HKDC1: variants seen among roughly 807,000 people sequenced by gnomAD.
HKDC1 encodes the protein hexokinase HKDC1.
HKDC1 carries 66 observed loss-of-function variants against 96.6 expected under a neutral mutation model. The ratio of observed to expected loss-of-function variants is 0.68; its 90% CI spans 0.56 to 0.84. The LOEUF is 0.84. Ranked by LOEUF, HKDC1 falls within the 40% of genes least tolerant of loss-of-function variation. The pLI, the probability that HKDC1 is intolerant of heterozygous loss-of-function variation, is 0.00. For missense variants in HKDC1, 1,211 were observed against 1,208.1 expected (o/e 1.00, Z -0.04); for synonymous variants, 466 against 473.1 (o/e 0.98, Z 0.20).
chr10:69,228,931 G>GC (rs1843204872), intron 2 of HKDC1, among the ~76,000 whole-genome samples: 1 of 151,146 alleles, frequency 6.6e-6, no homozygotes, highest in Non-Finnish European at 1.5e-5. Context: ...AGAAAGGAAA[G>GC]AAAGAAGAAA....
chr10:69,232,723 T>C, intron 2 of HKDC1, 41 bp from the exon 3 acceptor site: 2 of 1,590,086 alleles, frequency 1.3e-6, no homozygotes, highest in Non-Finnish European at 1.7e-6. Context: ...ATATCTGTAG[T>C]AGACCCTCAA....
chr10:69,241,122 C>T (rs1371691922), intron 6 of HKDC1, among the ~76,000 whole-genome samples: 2 of 152,118 alleles, frequency 1.3e-5, no homozygotes, highest in Non-Finnish European at 2.9e-5. Flanking sequence ...TGGGATGAGG[C>T]GTCAGGGAAG....
chr10:69,266,556 A>T (rs1368471413), intron 17 of HKDC1, 54 bp from the exon 18 acceptor site: 3 of 1,574,632 alleles, frequency 1.9e-6, no homozygotes, highest in Non-Finnish European at 1.7e-6. Flanking sequence ...ATCATTTATA[A>T]ATGTTCTGAT....
chr10:69,242,361 A>G (rs1254029394), intron 6 of HKDC1, among the ~76,000 whole-genome samples: 2 of 125,714 alleles, frequency 1.6e-5, no homozygotes, highest in Non-Finnish European at 3.2e-5. Flanking sequence ...GCTTTTCTAC[A>G]TTTCTCATTT....
chr10:69,249,060 T>G, intron 10 of HKDC1: 1 of 203,844 alleles, frequency 4.9e-6, no homozygotes, highest in Non-Finnish European at 9.9e-6. Context: ...ATGCCTGAGA[T>G]TGCCTGGGCT....
intron 15 of HKDC1, among the ~76,000 whole-genome samples, chr10:69,260,708 C>T (rs1187947398): frequency 6.6e-6 from 1 of 152,166 alleles, no homozygotes; most frequent in Non-Finnish European, 1.5e-5. Context: ...CCCCTTTTCT[C>T]TCTTGCTCTC....
chr10:69,242,437 A>AAC (rs1554867740), intron 6 of HKDC1, among the ~76,000 whole-genome samples: 7 of 148,792 alleles, frequency 4.7e-5, no homozygotes, highest in African/African-American at 1.0e-4. Context: ...AAGAAAAAAA[A>AAC]AAAAAAAAAA....
chr10:69,220,522 G>A (rs1006319649), intron 1 of HKDC1, 24 bp downstream of exon 1: 4 of 1,530,342 alleles, frequency 2.6e-6, no homozygotes, highest in Non-Finnish European at 2.7e-6. Flanking sequence ...ACGAAGCTGA[G>A]AGATGCCCAG....
At chr10:69,246,619 C>A (rs1589411144) in intron 8 of HKDC1, among the ~76,000 whole-genome samples, 1 of 152,218 alleles carries the variant, frequency 6.6e-6, no homozygotes, top group Non-Finnish European at 1.5e-5. Context: ...TCCTTGGACA[C>A]TAAGCTCATT....
In HKDC1 at chr10:69,227,342, T is replaced by A; in HGVS notation, c.199T>A (p.Phe67Ile). The change falls in exon 2 of 18, where the codon TTC becomes ATC. Residue 67 changes from phenylalanine (F) to isoleucine (I), a missense_variant. Coordinates refer to ENST00000354624, the MANE Select transcript of HKDC1 (RefSeq NM_025130.4). ...PTAAVKMLPTFVRAIPDGSEN... is the reference protein window; with the variant it reads ...PTAAVKMLPTIVRAIPDGSEN... ...GGCTGCAGTGAAGATGTTGCCCACC[T>A]TCGTCAGGGCCATTCCCGATGGTTC... 1 of 1,614,184 alleles carries A rather than the reference T, an allele frequency of 6.2e-7. No individual in the cohort carries two copies. Among genetic ancestry groups the A allele is most frequent in the South Asian group, 1.1e-5 (1 of 91,080 alleles).
intron 7 of HKDC1, among the ~76,000 whole-genome samples, chr10:69,245,582 TAA>T (rs1843527810): frequency 6.8e-6 from 1 of 148,024 alleles, no homozygotes; most frequent in Non-Finnish European, 1.5e-5. Context: ...ATAATAATAA[TAA>T]TAATAATAAT....
intron 12 of HKDC1, among the ~76,000 whole-genome samples, chr10:69,255,241 G>A (rs925024): frequency 0.93 from 142,288 of 152,326 alleles, 67,193 homozygotes; most frequent in Non-Finnish European, 1. Context: ...AAAGAGAGAC[G>A]TCAAAAAATA....
chr10:69,252,734 G>A (rs887679910), intron 12 of HKDC1, among the ~76,000 whole-genome samples: 1 of 151,538 alleles, frequency 6.6e-6, no homozygotes, highest in Non-Finnish European at 1.5e-5. Context: ...AGGATCACTT[G>A]AGCCCAGGAG....
intron 4 of HKDC1, among the ~76,000 whole-genome samples, chr10:69,234,131 A>C (rs894769026): frequency 2.6e-5 from 4 of 152,256 alleles, no homozygotes; most frequent in South Asian, 2.1e-4. Flanking sequence ...GTTACTGTCA[A>C]GAGTCTAGTC....
At chr10:69,220,573 A>G in intron 1 of HKDC1, 75 bp downstream of exon 1, 1 of 1,075,348 alleles carries the variant, frequency 9.3e-7, no homozygotes, top group Non-Finnish European at 1.3e-6. Flanking sequence ...TAAAAAAAAA[A>G]TCAGAAGGGA....
At chr10:69,234,992 G>C (rs753437359) in intron 4 of HKDC1, among the ~76,000 whole-genome samples, 2 of 152,186 alleles carry the variant, frequency 1.3e-5, no homozygotes, top group African/African-American at 2.4e-5. Flanking sequence ...GCCTGGCGTG[G>C]TGGCTTTTGC....
intron 4 of HKDC1, among the ~76,000 whole-genome samples, chr10:69,235,536 A>G (rs1426811077): frequency 6.6e-6 from 1 of 152,130 alleles, no homozygotes; most frequent in Non-Finnish European, 1.5e-5. Flanking sequence ...AGGTCCTAGG[A>G]GTGAGTAGAT....
intron 12 of HKDC1, among the ~76,000 whole-genome samples, chr10:69,252,548 G>A (rs1247840729): frequency 6.6e-6 from 1 of 151,950 alleles, no homozygotes; most frequent in Non-Finnish European, 1.5e-5. Context: ...GGGAGGCTGA[G>A]GCAGGAGAAT....
rs560169262 is a variant in HKDC1, at chr10:69,250,313, G to A, written c.1594G>A (p.Asp532Asn). ...GTEKGKFLAL[D>N]LGGTNFRVLL... ...AGAGAAAGGAAAGTTTCTCGCCCTG[G>A]ATCTTGGGGGAACCAACTTCCGGGT... The change falls in exon 11 of 18, where the codon GAT (aspartate) becomes AAT (asparagine). Residue 532 changes from aspartate (D) to asparagine (N), a missense_variant. By Grantham distance (23) the Asp-to-Asn change is conservative. Coordinates refer to ENST00000354624, the MANE Select transcript of HKDC1 (RefSeq NM_025130.4). The A allele has an allele frequency of 1.2e-5, 19 of 1,614,024 alleles. No homozygotes were observed. In the South Asian group the frequency reaches 1.9e-4, roughly 16 times the overall value.
Sources: gnomAD v4.1 joint callset for allele counts (sites outside exome capture counted in the v4.1 genomes callset) on GRCh38, gnomAD v4.1.1 for gene constraint, MANE v1.5 for transcripts, NCBI Gene and HGNC (gene_info 2026-07-23, HGNC 2026-07-21) for gene names.